The following EIF2B3 variants were observed in gnomAD, a reference collection of about 807,000 sequenced individuals.
EIF2B3 encodes the protein eukaryotic translation initiation factor 2B subunit gamma.
A neutral mutation model predicts 54.1 loss-of-function variants in EIF2B3; 20 were observed. The ratio of observed to expected loss-of-function variants is 0.37; its 90% CI spans 0.26 to 0.54. The LOEUF (loss-of-function observed/expected upper bound fraction) is 0.54, where lower values mean the gene tolerates loss of function less well. Among genes scored for constraint, EIF2B3 ranks in the 20% least tolerant of loss-of-function variants. The pLI is 0.86. For missense variants in EIF2B3, 448 were observed against 547.8 expected (o/e 0.82, Z 1.82); for synonymous variants, 153 against 188.1 (o/e 0.81, Z 1.52).
intron 10 of EIF2B3, among the ~76,000 whole-genome samples, chr1:44,868,205 T>C (rs1001556256): frequency 4.6e-5 from 7 of 152,044 alleles, no homozygotes; most frequent in Non-Finnish European, 8.8e-5. Flanking sequence ...GAGACCATCC[T>C]GGCTAATATG....
intron 11 of EIF2B3, among the ~76,000 whole-genome samples, chr1:44,852,348 T>C (rs537409528): frequency 1.3e-5 from 2 of 152,274 alleles, no homozygotes; most frequent in African/African-American, 4.8e-5. Context: ...CTTACTACCC[T>C]ATGTGCCCTA....
chr1:44,934,098 G>C (rs1643921360), intron 4 of EIF2B3, among the ~76,000 whole-genome samples: 1 of 151,250 alleles, frequency 6.6e-6, no homozygotes, highest in South Asian at 2.1e-4. Flanking sequence ...CTCCAACCTG[G>C]GCAACAAGAG....
chr1:44,935,658 C>T (rs1643939277), intron 4 of EIF2B3, among the ~76,000 whole-genome samples: 2 of 152,110 alleles, frequency 1.3e-5, no homozygotes, highest in Admixed American at 1.3e-4. Context: ...TGCCACCACA[C>T]CCAGCTAATT....
At chr1:44,947,456 G>A (rs1644115410) in intron 3 of EIF2B3, among the ~76,000 whole-genome samples, 3 of 152,040 alleles carry the variant, frequency 2.0e-5, no homozygotes, top group Admixed American at 6.6e-5. Flanking sequence ...TAAAATTAGA[G>A]GGGAAAAAAG....
intron 10 of EIF2B3, among the ~76,000 whole-genome samples, chr1:44,860,605 T>C (rs1268696692): frequency 3.3e-5 from 5 of 152,252 alleles, no homozygotes; most frequent in Admixed American, 6.5e-5. Flanking sequence ...AATCTAGGTC[T>C]GCCTGACTTC....
intron 3 of EIF2B3, among the ~76,000 whole-genome samples, chr1:44,955,623 A>G (rs1273623199): frequency 2.0e-5 from 3 of 152,160 alleles, no homozygotes; most frequent in African/African-American, 7.2e-5. Context: ...CATCTGACAA[A>G]AAGGCTAATA....
chr1:44,865,088 G>A (rs772796765), intron 10 of EIF2B3, among the ~76,000 whole-genome samples: 7 of 152,150 alleles, frequency 4.6e-5, no homozygotes, highest in East Asian at 1.9e-4. Flanking sequence ...GTGTGGTGGC[G>A]CACGCCTATA....
intron 5 of EIF2B3, among the ~76,000 whole-genome samples, chr1:44,920,901 T>C (rs1430204463): frequency 6.6e-6 from 1 of 152,234 alleles, no homozygotes. Flanking sequence ...TGTGGGTATA[T>C]ACCTAGGAGT....
intron 3 of EIF2B3, among the ~76,000 whole-genome samples, chr1:44,948,563 T>C (rs1044982931): frequency 2.0e-5 from 3 of 152,068 alleles, no homozygotes; most frequent in Non-Finnish European, 4.4e-5. Context: ...AAAAAATATA[T>C]AGATCACTAT....
intron 6 of EIF2B3, among the ~76,000 whole-genome samples, chr1:44,888,776 C>CA (rs1200193884): frequency 6.6e-6 from 1 of 152,162 alleles, no homozygotes; most frequent in African/African-American, 2.4e-5. Context: ...GTGAGGTCTC[C>CA]ATCTGGTTTT....
At chr1:44,910,976 C>T (rs1336232086) in intron 5 of EIF2B3, among the ~76,000 whole-genome samples, 1 of 151,968 alleles carries the variant, frequency 6.6e-6, no homozygotes, top group African/African-American at 2.4e-5. Context: ...ACCCAATTTA[C>T]AAAAGTTAAA....
At chr1:44,986,070 G>A (rs778091526) in intron 1 of EIF2B3, among the ~76,000 whole-genome samples, 3 of 152,122 alleles carry the variant, frequency 2.0e-5, no homozygotes, top group Admixed American at 6.6e-5. Flanking sequence ...GTACCGGTCT[G>A]GTGCTCGCTC....
chr1:44,969,434 ATATT>A (rs753346441), intron 3 of EIF2B3, among the ~76,000 whole-genome samples: 3 of 152,250 alleles, frequency 2.0e-5, no homozygotes, highest in Non-Finnish European at 4.4e-5. Flanking sequence ...TGCTGAAATT[ATATT>A]TATGAGGCAA....
intron 3 of EIF2B3, among the ~76,000 whole-genome samples, chr1:44,977,380 G>T (rs1415799264): frequency 6.6e-6 from 1 of 152,060 alleles, no homozygotes; most frequent in Non-Finnish European, 1.5e-5. Context: ...CACCTGCAGA[G>T]TCAACTGCTC....
intron 6 of EIF2B3, among the ~76,000 whole-genome samples, chr1:44,891,090 CTTTT>C (rs947653522): frequency 1.3e-5 from 2 of 151,958 alleles, no homozygotes; most frequent in African/African-American, 4.8e-5. Context: ...AAAAAAGAGA[CTTTT>C]TTTAAATTTT....
chr1:44,890,798 T>C (rs2148911226), intron 6 of EIF2B3, among the ~76,000 whole-genome samples: 1 of 152,274 alleles, frequency 6.6e-6, no homozygotes, highest in African/African-American at 2.4e-5. Flanking sequence ...TCTTCTTTGG[T>C]TTCTCAGCTC....
chr1:44,859,540 C>A (rs983572295), intron 10 of EIF2B3, among the ~76,000 whole-genome samples: 2 of 151,176 alleles, frequency 1.3e-5, no homozygotes, highest in South Asian at 4.2e-4. Context: ...CACCTGTGAT[C>A]CCAGCTACTC....
intron 2 of EIF2B3, among the ~76,000 whole-genome samples, chr1:44,979,494 A>C (rs1179345054): frequency 6.7e-6 from 1 of 149,170 alleles, no homozygotes; most frequent in East Asian, 2.0e-4. Context: ...AAAAAAAAAA[A>C]AAGGAGGAAA....
chr1:44,882,321 C>G (rs1316527498), intron 6 of EIF2B3, among the ~76,000 whole-genome samples: 1 of 152,176 alleles, frequency 6.6e-6, no homozygotes, highest in Non-Finnish European at 1.5e-5. Flanking sequence ...GCAAAAATAA[C>G]AGTGACAAAA....
Sources: allele counts gnomAD v4.1 joint callset (sites outside exome capture counted in the v4.1 genomes callset), GRCh38; gene constraint gnomAD v4.1.1; transcripts MANE v1.5; gene names NCBI Gene and HGNC (gene_info 2026-07-23, HGNC 2026-07-21).